The following LRRTM4 variants were observed in gnomAD, a reference collection of about 807,000 sequenced individuals.
LRRTM4 encodes leucine-rich repeat transmembrane neuronal protein 4.
LRRTM4 carries 25 observed loss-of-function variants against 47.6 expected under a neutral mutation model. The observed-to-expected ratio is 0.53, with a 90% CI of 0.38 to 0.73. The LOEUF (loss-of-function observed/expected upper bound fraction) is 0.73. LRRTM4 is among the 30% of genes least tolerant of loss of function. The pLI is 0.00. For synonymous variants in LRRTM4, 311 were observed against 269.5 expected, an observed-to-expected ratio of 1.15 and a Z score of -1.51; for missense variants, 638 against 713.4, an observed-to-expected ratio of 0.89 and a Z score of 1.20.
chr2:77,377,155 A>G (rs1672870900), intron 3 of LRRTM4, among the ~76,000 whole-genome samples: 1 of 151,888 alleles, frequency 6.6e-6, no homozygotes, highest in Admixed American at 6.6e-5. Flanking sequence ...TTTGTGTTTT[A>G]AACACTTTTA....
chr2:77,462,608 T>A (rs1042575643), intron 3 of LRRTM4, among the ~76,000 whole-genome samples: 1 of 147,676 alleles, frequency 6.8e-6, no homozygotes. Flanking sequence ...CAGGAAAAAA[T>A]AAATAAAAAA....
rs927082654 is a variant in LRRTM4 at position 77,055,802 on chromosome 2, A to G, written c.1552-306886T>C. 1.1e-3 allele frequency among the ~76,000 whole-genome samples: 171 copies of G among 151,998 alleles called. 1 individual carries two copies. The highest frequency in any genetic ancestry group is 3.8e-3 in the African/African-American group (159 of 41,356). On this transcript the variant is annotated intron_variant, in intron 3 of 3. Transcript: ENST00000409884. ...CTTGGAACCAACCCAAATGTCCAAC[A>G]ATGATAGATTGGATTAAGAAAATGT...
intron 3 of LRRTM4, among the ~76,000 whole-genome samples, chr2:76,868,852 C>T (rs1309452417): frequency 6.6e-6 from 1 of 152,090 alleles, no homozygotes; most frequent in Non-Finnish European, 1.5e-5. Flanking sequence ...TAAAATCACC[C>T]TTTGTCCCTT....
intron 3 of LRRTM4, among the ~76,000 whole-genome samples, chr2:77,001,631 T>C (rs1259504208): frequency 6.6e-6 from 1 of 152,112 alleles, no homozygotes; most frequent in Non-Finnish European, 1.5e-5. Flanking sequence ...CTTTTCTATA[T>C]CTACATTCAC....
chr2:77,001,628 A>G (rs1018398441), intron 3 of LRRTM4, among the ~76,000 whole-genome samples: 5 of 152,092 alleles, frequency 3.3e-5, no homozygotes, highest in Admixed American at 1.3e-4. Context: ...CCACTTTTCT[A>G]TATCTACATT....
At chr2:77,391,607 A>G (rs1189534731) in intron 3 of LRRTM4, among the ~76,000 whole-genome samples, 8 of 151,948 alleles carry the variant, frequency 5.3e-5, no homozygotes, top group Admixed American at 2.6e-4. Context: ...CTGTACATCC[A>G]TGTTCATGGA....
At chr2:77,210,875 A>G (rs917334780) in intron 3 of LRRTM4, among the ~76,000 whole-genome samples, 1 of 152,200 alleles carries the variant, frequency 6.6e-6, no homozygotes, top group Admixed American at 6.5e-5. Context: ...GAACAGAGGC[A>G]GAGTGTACTG....
At chr2:76,872,082 T>C (rs1216073791) in intron 3 of LRRTM4, among the ~76,000 whole-genome samples, 1 of 152,222 alleles carries the variant, frequency 6.6e-6, no homozygotes, top group Non-Finnish European at 1.5e-5. Flanking sequence ...GTATGTGCTA[T>C]TTTAAGCTGC....
intron 3 of LRRTM4, among the ~76,000 whole-genome samples, chr2:76,851,347 T>TA (rs539567574): frequency 2.3e-4 from 35 of 152,198 alleles, no homozygotes; most frequent in Non-Finnish European, 4.6e-4. Context: ...ACTTTACCTT[T>TA]ATTGAATCTG....
At chr2:76,857,301 G>GTATATATAA (rs1553420714) in intron 3 of LRRTM4, among the ~76,000 whole-genome samples, 18 of 146,104 alleles carry the variant, frequency 1.2e-4, no homozygotes, top group African/African-American at 4.6e-4. Flanking sequence ...TAAAAACACA[G>GTATATATAA]TATATATAAT....
At chr2:77,006,029 A>C (rs1573440621) in intron 3 of LRRTM4, among the ~76,000 whole-genome samples, 2 of 152,334 alleles carry the variant, frequency 1.3e-5, no homozygotes, top group East Asian at 3.9e-4. Flanking sequence ...AAATCTGGGT[A>C]ATCTGGAATC....
At chr2:77,240,682 C>T (rs996148849) in intron 3 of LRRTM4, among the ~76,000 whole-genome samples, 2 of 151,910 alleles carry the variant, frequency 1.3e-5, no homozygotes, top group African/African-American at 4.8e-5. Flanking sequence ...CTAAAAAATG[C>T]TACCGCCACT....
chr2:77,423,524 A>C (rs1281785804), intron 3 of LRRTM4, among the ~76,000 whole-genome samples: 1 of 152,150 alleles, frequency 6.6e-6, no homozygotes, highest in East Asian at 1.9e-4. Flanking sequence ...GCATGGCACC[A>C]TGCATGGTGT....
chr2:77,021,248 C>T (rs6547117), intron 3 of LRRTM4, among the ~76,000 whole-genome samples: 70,283 of 151,438 alleles, frequency 0.46, 16,570 homozygotes, highest in African/African-American at 0.56. Flanking sequence ...AACAAGACCA[C>T]GAACTTGAAG....
At chr2:77,285,980 A>G (rs1382825393) in intron 3 of LRRTM4, among the ~76,000 whole-genome samples, 1 of 152,104 alleles carries the variant, frequency 6.6e-6, no homozygotes, top group Non-Finnish European at 1.5e-5. Context: ...CTTAAACCCA[A>G]TAACTTTATC....
chr2:77,521,737 AACCACCACC>A lies in LRRTM4; in HGVS notation c.-75_-67del. On this transcript the variant is annotated 5_prime_UTR_variant, in exon 2 of 4. Coordinates refer to ENST00000409884, the MANE Select transcript of LRRTM4 (RefSeq NM_001134745.3). ...CTTCTTATTTGGTCTCTTGTGCGGA[AACCACCACC>A]ACCTTCATGACACAGTGCGGCTGTC... 1 of 1,575,774 alleles carries A rather than the reference AACCACCACC, an allele frequency of 6.3e-7. No individual in the cohort carries two copies. Among genetic ancestry groups the A allele is most frequent in the Non-Finnish European group, 8.7e-7 (1 of 1,147,322 alleles).
intron 3 of LRRTM4, among the ~76,000 whole-genome samples, chr2:77,207,022 T>C: frequency 6.6e-6 from 1 of 151,646 alleles, no homozygotes; most frequent in Non-Finnish European, 1.5e-5. Context: ...AAGTTATTCA[T>C]GGATAATTTC....
chr2:77,296,311 A>G (rs1270888951), intron 3 of LRRTM4, among the ~76,000 whole-genome samples: 1 of 152,206 alleles, frequency 6.6e-6, no homozygotes, highest in Non-Finnish European at 1.5e-5. Context: ...CTAAAGTATC[A>G]ATGACATTAA....
At chr2:76,820,565 T>C (rs1282769584) in intron 3 of LRRTM4, among the ~76,000 whole-genome samples, 1 of 151,800 alleles carries the variant, frequency 6.6e-6, no homozygotes, top group African/African-American at 2.4e-5. Flanking sequence ...AATGATGGAT[T>C]CAGTTTTAGA....
Sources: allele counts gnomAD v4.1 joint callset (sites outside exome capture counted in the v4.1 genomes callset), GRCh38; gene constraint gnomAD v4.1.1; transcripts MANE v1.5; gene names NCBI Gene and HGNC (gene_info 2026-07-23, HGNC 2026-07-21).